RBM28: variants seen among roughly 807,000 people sequenced by gnomAD.
The protein encoded by RBM28 is RNA binding motif protein 28, also known as RNA-binding protein 28.
In RBM28, 78 loss-of-function variants were observed where a neutral mutation model predicts 98.3. That is an observed-to-expected ratio of 0.79 (90% CI 0.66 to 0.96). RBM28 has a LOEUF of 0.96. Among genes scored for constraint, RBM28 ranks in the 40% least tolerant of loss-of-function variants. The pLI, the probability that RBM28 is intolerant of heterozygous loss-of-function variation, is 0.00. For missense variants in RBM28, 838 were observed against 913.0 expected (o/e 0.92, Z 1.06); for synonymous variants, 306 against 330.9 (o/e 0.92, Z 0.82).
At chr7:128,322,050 A>AAG (rs199931274) in intron 13 of RBM28, among the ~76,000 whole-genome samples, 2,804 of 151,724 alleles carry the variant, frequency 0.018, 38 homozygotes, top group Non-Finnish European at 0.03. Flanking sequence ...TTCGGTCAAA[A>AAG]AAAAAAAAAA....
At position 128,335,976 on chromosome 7, in the gene RBM28, T is replaced by C; in HGVS notation, c.680A>G (p.Asp227Gly). ...ATCATCGTTTTCTTCCTCTTCCATA[T>C]CCTCTTCCTCTCTGCCCTTCTTTTT... is the stretch of plus-strand genomic sequence containing the variant. Reference protein sequence around the residue: ...SVKKKGREEEDMEEEENDDDD... With the variant: ...SVKKKGREEEGMEEEENDDDD... The change falls in exon 7 of 19, where the codon GAT becomes GGT. Residue 227 changes from aspartate (D) to glycine (G), a missense_variant. Transcript: ENST00000223073. 1 of 1,610,864 alleles carries C rather than the reference T, an allele frequency of 6.2e-7. No individual in the cohort carries two copies. Among genetic ancestry groups the C allele is most frequent in the East Asian group, 2.2e-5 (1 of 44,866 alleles).
intron 5 of RBM28, among the ~76,000 whole-genome samples, 155 bp from the exon 6 acceptor site, chr7:128,337,357 C>G (rs576131719): frequency 5.9e-5 from 9 of 152,324 alleles, no homozygotes; most frequent in African/African-American, 2.2e-4. Context: ...CTCCTAGTCA[C>G]TGCCTACTCC....
At chr7:128,332,989 TA>T (rs1562956984) in intron 9 of RBM28, among the ~76,000 whole-genome samples, 2 of 152,206 alleles carry the variant, frequency 1.3e-5, no homozygotes, top group Non-Finnish European at 2.9e-5. Context: ...GCACTCCCCC[TA>T]AAACAAAGGC....
rs377613240 is a variant in RBM28 at position 128,339,722 on chromosome 7, T to C, written c.188A>G (p.Lys63Arg). The C allele has an allele frequency of 7.0e-5, 113 of 1,613,852 alleles. No homozygotes were observed. Among genetic ancestry groups the C allele is most frequent in the Non-Finnish European group, 9.0e-5 (106 of 1,179,838 alleles). ...SMLEDVQRAL[K>R]EITTFEGCKI... ...GCAACCTTCAAAGGTGGTAATCTCCTTGAGGGCCCTCTGAACATCTTCCAG... is the reference window on the plus strand; with the variant it reads ...GCAACCTTCAAAGGTGGTAATCTCCCTGAGGGCCCTCTGAACATCTTCCAG... Residue 63 changes from lysine to arginine, a missense_variant, in exon 2 of 19, where the codon AAG becomes AGG. By Grantham distance (26) the Lys-to-Arg change is conservative. Coordinates refer to ENST00000223073, the MANE Select transcript of RBM28 (RefSeq NM_018077.3).
At chr7:128,324,894 A>T (rs906064671) in intron 11 of RBM28, among the ~76,000 whole-genome samples, 200 bp from the exon 12 acceptor site, 2 of 151,994 alleles carry the variant, frequency 1.3e-5, no homozygotes, top group Non-Finnish European at 2.9e-5. Context: ...TGCGCCTGTA[A>T]TCCTACTCAG....
intron 1 of RBM28, among the ~76,000 whole-genome samples, chr7:128,343,212 T>C (rs1796766627): frequency 6.6e-6 from 1 of 152,208 alleles, no homozygotes; most frequent in South Asian, 2.1e-4. Flanking sequence ...CTGGCTAAGA[T>C]GTCCAGGTCT....
In RBM28 at chr7:128,335,940, T is replaced by A. The variant is rs775755958; in HGVS notation, c.716A>T (p.Asp239Val). Residue 239 changes from aspartate to valine, a missense_variant, in exon 7 of 19, where the codon GAT (aspartate) becomes GTT (valine). By Grantham distance (152) the Asp-to-Val change is radical (BLOSUM62 -3). Transcript: ENST00000223073. ...EEEENDDDDD[D>V]DDEEDGVFDD... ...AAAAACCCCATCTTCTTCATCATCA[T>A]CATCGTCATCATCATCGTTTTCTTC... 4 of 1,605,432 alleles carry A rather than the reference T, an allele frequency of 2.5e-6. No homozygotes were observed. Among genetic ancestry groups the A allele is most frequent in the Non-Finnish European group, 3.4e-6 (4 of 1,172,252 alleles).
At chr7:128,320,548 A>G (rs971149067) in intron 14 of RBM28, among the ~76,000 whole-genome samples, 4 of 152,234 alleles carry the variant, frequency 2.6e-5, no homozygotes, top group Admixed American at 6.5e-5. Context: ...TCAACTGCTG[A>G]ACATCTACAT....
rs1390538008 is a variant in RBM28, at chr7:128,335,876, C to T, written c.780G>A (p.Lys260=). 8 of 1,613,956 alleles carry T rather than the reference C, an allele frequency of 5.0e-6. No homozygotes were observed. The highest frequency in any genetic ancestry group is 2.7e-5 in the African/African-American group (2 of 74,920). Residue 260 remains lysine (K), a synonymous_variant, in exon 7 of 19, where the codon AAG becomes AAA. Coordinates refer to ENST00000223073, the MANE Select transcript of RBM28 (RefSeq NM_018077.3). ...TCTGAATTTGCACAGGCTTGGTCAC[C>T]TTTGATTCTATATTCTCTTCCTCTT... is the stretch of plus-strand genomic sequence containing the variant. ...EDEEEENIES[K]VTKPVQIQKR...
At position 128,314,784 on chromosome 7, in the gene RBM28, T is replaced by C. The variant is rs186913740; in HGVS notation, c.2025A>G (p.Ser675=). 1.2e-6 allele frequency: 2 copies of C among 1,614,072 alleles called. No homozygotes were observed. The highest frequency in any genetic ancestry group is 1.7e-5 in the Admixed American group (1 of 60,002). The change falls in exon 17 of 19, where the codon TCA becomes TCG. Residue 675 remains serine, a synonymous_variant. Coordinates refer to ENST00000223073, the MANE Select transcript of RBM28 (RefSeq NM_018077.3). Reference sequence around the variant, plus strand: ...CTCACCTGATTTTGGGGCCTCGGTGTGAGGGGAGCGCCAGGACCTTTCTTC... The same window carrying C: ...CTCACCTGATTTTGGGGCCTCGGTGCGAGGGGAGCGCCAGGACCTTTCTTC... ...KKRRKVLALP[S]HRGPKIRLRD...
At chr7:128,318,142 G>A in intron 14 of RBM28, 36 bp from the exon 15 acceptor site, 4 of 1,573,658 alleles carry the variant, frequency 2.5e-6, no homozygotes, top group Non-Finnish European at 3.5e-6. Context: ...AGTAATTACA[G>A]AATGAGAAGA....
At chr7:128,321,206 ATGCT>A in intron 14 of RBM28, 56 bp downstream of exon 14, 1 of 1,604,302 alleles carries the variant, frequency 6.2e-7, no homozygotes, top group Non-Finnish European at 8.5e-7. Flanking sequence ...CCTGAGGGAA[ATGCT>A]TGATCTGACC....
chr7:128,313,972 T>C (rs1414504529), intron 17 of RBM28, among the ~76,000 whole-genome samples: 1 of 152,078 alleles, frequency 6.6e-6, no homozygotes, highest in Non-Finnish European at 1.5e-5. Flanking sequence ...TCTTTTCTTT[T>C]TTTTTTTTGA....
chr7:128,331,725 G>A lies in RBM28; in HGVS notation c.1020-797C>T, dbSNP rs568245632. Reference sequence around the variant, plus strand: ...TCTCGATGGGATTAAAAAAATGTTGGAAGGAAATTTTGTTGTCCTAAAATT... The same window carrying A: ...TCTCGATGGGATTAAAAAAATGTTGAAAGGAAATTTTGTTGTCCTAAAATT... On this transcript the variant is annotated intron_variant, in intron 9 of 18. Transcript: ENST00000223073. Among the ~76,000 whole-genome samples, 7 of 152,018 alleles carry A rather than the reference G, an allele frequency of 4.6e-5. No homozygotes were observed. In the South Asian group the frequency reaches 1.5e-3, roughly 32 times the overall value.
rs76574357 is a variant in RBM28 at position 128,337,209 on chromosome 7, A to G, written c.542-7T>C. 5.7e-3 allele frequency: 9,234 copies of G among 1,614,064 alleles called. 439 individuals carry two copies. In the African/African-American group the frequency reaches 0.1, roughly 18 times the overall value. On this transcript the variant is annotated splice_region_variant and splice_polypyrimidine_tract_variant and intron_variant, in intron 5 of 18. Transcript: ENST00000223073. ...TCCACAGCCACTGTCCGGCCTGTCA[A>G]GCAGAAAAGTGGCATCAGAAAGGCT...
intron 16 of RBM28, 145 bp from the exon 17 acceptor site, chr7:128,315,165 C>T (rs1220647668): frequency 5.7e-6 from 7 of 1,224,614 alleles, no homozygotes; most frequent in Non-Finnish European, 8.2e-6. Flanking sequence ...AAAGTGAATA[C>T]ATGTAGATCA....
At position 128,325,797 on chromosome 7, in the gene RBM28, TA is replaced by T; in HGVS notation, c.1203+20del. 6.3e-7 allele frequency: 1 copy of T among 1,590,080 alleles called. No homozygotes were observed. Among genetic ancestry groups the T allele is most frequent in the Non-Finnish European group, 8.6e-7 (1 of 1,158,596 alleles). ...CCAAACTGCCTCCTGTGTTATAAGG[TA>T]AAGGAAATATCTTCCTTACCTCATT... On this transcript the variant is annotated intron_variant, in intron 11 of 18. Transcript: ENST00000223073.
chr7:128,321,529 A>C, intron 13 of RBM28, 105 bp from the exon 14 acceptor site: 1 of 1,424,008 alleles, frequency 7.0e-7, no homozygotes, highest in Non-Finnish European at 9.8e-7. Flanking sequence ...ATAACCACAC[A>C]TATAGAAAAC....
Position 128,298,834 on chromosome 7 carries a change from ACT to A in RBM28, c.*11961_*11962del, listed in dbSNP as rs1795743108. On this transcript the variant is annotated 3_prime_UTR_variant, in exon 19 of 19. Coordinates refer to ENST00000223073, the MANE Select transcript of RBM28 (RefSeq NM_018077.3). ...AGACCAGCCTGGGCAACATAGCGAAACTCTGTCTCTATAACAAATACACCAAA... is the reference window on the plus strand; with the variant it reads ...AGACCAGCCTGGGCAACATAGCGAAACTGTCTCTATAACAAATACACCAAA... 1.3e-5 allele frequency: 2 copies of A among 152,032 alleles called. No homozygotes were observed. The highest frequency in any genetic ancestry group is 2.1e-4 in the South Asian group (1 of 4,790). The allele number at this position is 152,032 out of a possible 1,614,324, so 9.4% of individuals were successfully genotyped here.
Sources: allele counts gnomAD v4.1 joint callset (sites outside exome capture counted in the v4.1 genomes callset), GRCh38; gene constraint gnomAD v4.1.1; transcripts MANE v1.5; gene names NCBI Gene and HGNC (gene_info 2026-07-23, HGNC 2026-07-21).